FGF14: variants seen among roughly 807,000 people sequenced by gnomAD.
The protein encoded by FGF14 is fibroblast growth factor 14, also known as fibroblast growth factor homologous factor 4.
A neutral mutation model predicts 25.5 loss-of-function variants in FGF14; 5 were observed. The observed-to-expected ratio is 0.20, with a 90% CI of 0.10 to 0.41. The LOEUF is 0.41. Ranked by LOEUF, FGF14 falls within the 10% of genes least tolerant of loss-of-function variation. The probability of loss-of-function intolerance (pLI) is 1.00; values close to 1 mark genes in which losing one functional copy is unlikely to be tolerated. For missense variants in FGF14, 222 were observed against 320.1 expected (o/e 0.69, Z 2.34); for synonymous variants, 138 against 118.3 (o/e 1.17, Z -1.08).
rs530494884 is a variant in FGF14, at chr13:101,717,494, T to C, written c.*5337A>G. ...TGTGAACAACCTATTATTATTGTTTTGTAGCAATTTTGATGACGTATTCGC... is the reference window on the plus strand; with the variant it reads ...TGTGAACAACCTATTATTATTGTTTCGTAGCAATTTTGATGACGTATTCGC... On this transcript the variant is annotated 3_prime_UTR_variant, in exon 5 of 5. Transcript: ENST00000376143. The C allele has an allele frequency of 3.3e-5, 5 of 152,296 alleles. No homozygotes were observed. Among genetic ancestry groups the C allele is most frequent in the Admixed American group, 6.5e-5 (1 of 15,300 alleles). 9.4% of individuals were successfully genotyped at this position (152,296 alleles called of 1,614,324 possible). A position where few individuals can be genotyped will look rare whatever the true frequency, so the allele number is the denominator to read the frequency against.
intron 1 of FGF14, among the ~76,000 whole-genome samples, chr13:102,131,443 T>A (rs1307446474): frequency 6.6e-6 from 1 of 152,210 alleles, no homozygotes; most frequent in Non-Finnish European, 1.5e-5. Context: ...CTGCTTAAGA[T>A]GAGCTCATGG....
At chr13:101,952,561 T>C (rs972530131) in intron 1 of FGF14, among the ~76,000 whole-genome samples, 2 of 152,196 alleles carry the variant, frequency 1.3e-5, no homozygotes, top group African/African-American at 4.8e-5. Context: ...CTGTGGCTGT[T>C]TCCATAGGTA....
At chr13:101,936,093 CCTTAT>C (rs779070422) in intron 1 of FGF14, among the ~76,000 whole-genome samples, 13 of 152,108 alleles carry the variant, frequency 8.5e-5, no homozygotes, top group Admixed American at 2.6e-4. Flanking sequence ...CTTTAACATA[CCTTAT>C]CTTATTTAAT....
At chr13:101,956,768 C>CAAAAAAA (rs372879439) in intron 1 of FGF14, among the ~76,000 whole-genome samples, 3 of 122,584 alleles carry the variant, frequency 2.4e-5, no homozygotes, top group Non-Finnish European at 5.4e-5. Flanking sequence ...TTCACTTTAC[C>CAAAAAAA]AAAAAAAAAA....
Position 101,943,812 on chromosome 13 carries a change from T to TAC in FGF14, c.209-68517_209-68516insGT, listed in dbSNP as rs796285466. ...AACATGGAGAATCCCTGTCTCTACT[T>TAC]AAAAAAAAAAAAAAATATATATATA... On this transcript the variant is annotated intron_variant, in intron 1 of 4. Coordinates refer to the FGF14 transcript ENST00000376131. Among the ~76,000 whole-genome samples, 207 of 134,216 alleles carry TAC rather than the reference T, an allele frequency of 1.5e-3. 7 individuals are homozygous for TAC. The highest frequency in any genetic ancestry group is 6.0e-3 in the African/African-American group (195 of 32,600). 88.1% of individuals were successfully genotyped at this position (134,216 alleles called of 152,430 possible). A position where few individuals can be genotyped will look rare whatever the true frequency, so the allele number is the denominator to read the frequency against.
chr13:102,133,915 A>G (rs1036084520), intron 1 of FGF14, among the ~76,000 whole-genome samples: 3 of 152,218 alleles, frequency 2.0e-5, no homozygotes, highest in Non-Finnish European at 4.4e-5. Context: ...AGGAAAACTG[A>G]CACGCTTCAC....
At chr13:102,352,874 G>A (rs1348570433) in intron 1 of FGF14, among the ~76,000 whole-genome samples, 3 of 150,994 alleles carry the variant, frequency 2.0e-5, no homozygotes, top group African/African-American at 7.3e-5. Context: ...GTCTTTAGGA[G>A]AGAAAAGTTT....
chr13:102,138,875 G>A (rs981928515), intron 1 of FGF14, among the ~76,000 whole-genome samples: 21 of 152,212 alleles, frequency 1.4e-4, no homozygotes, highest in African/African-American at 2.9e-4. Flanking sequence ...CAGTAAAACC[G>A]TGTTTTAGTG....
At chr13:101,970,480 C>A (rs1221498602) in intron 1 of FGF14, among the ~76,000 whole-genome samples, 1 of 152,112 alleles carries the variant, frequency 6.6e-6, no homozygotes, top group African/African-American at 2.4e-5. Flanking sequence ...GAAAACAATA[C>A]CCCAAGGCAT....
chr13:102,103,741 G>A (rs972140650), intron 1 of FGF14, among the ~76,000 whole-genome samples: 5 of 152,152 alleles, frequency 3.3e-5, no homozygotes, highest in South Asian at 2.1e-4. Flanking sequence ...ACCTGAGCAG[G>A]TTTTATTTTA....
chr13:102,174,588 A>C (rs74472003), intron 1 of FGF14, among the ~76,000 whole-genome samples: 7,851 of 152,250 alleles, frequency 0.052, 248 homozygotes, highest in Middle Eastern at 0.17. Flanking sequence ...GGAGATATAA[A>C]ATCTCTACAA....
chr13:102,051,102 G>A (rs1301691996), intron 1 of FGF14, among the ~76,000 whole-genome samples: 1 of 152,186 alleles, frequency 6.6e-6, no homozygotes, highest in Admixed American at 6.5e-5. Context: ...AGGCTTGGTG[G>A]CTGCGTTAAG....
At chr13:102,067,132 C>T (rs1290282498) in intron 1 of FGF14, among the ~76,000 whole-genome samples, 1 of 152,066 alleles carries the variant, frequency 6.6e-6, no homozygotes, top group East Asian at 1.9e-4. Context: ...CAGTAGTTCG[C>T]ACAAAACAAG....
intron 1 of FGF14, among the ~76,000 whole-genome samples, chr13:101,885,399 C>G (rs748764865): frequency 2.0e-5 from 3 of 152,074 alleles, no homozygotes; most frequent in Admixed American, 6.6e-5. Flanking sequence ...GAAACAGATC[C>G]TCTTTCCACT....
chr13:101,900,651 A>AAG (rs2031417917), intron 1 of FGF14, among the ~76,000 whole-genome samples: 1 of 152,204 alleles, frequency 6.6e-6, no homozygotes, highest in South Asian at 2.1e-4. Flanking sequence ...GTTAGAAGTC[A>AAG]AGAGAGTGGC....
intron 3 of FGF14, among the ~76,000 whole-genome samples, chr13:101,812,634 TA>T (rs1566931147): frequency 2.3e-3 from 31 of 13,572 alleles, no homozygotes; most frequent in Non-Finnish European, 4.7e-3. Context: ...TATATATATA[TA>T]TATATATATA....
intron 1 of FGF14, among the ~76,000 whole-genome samples, chr13:102,111,577 G>A (rs1443288616): frequency 2.0e-5 from 3 of 152,098 alleles, no homozygotes; most frequent in Non-Finnish European, 4.4e-5. Flanking sequence ...TTAGCCGGGT[G>A]TAGTGGCACA....
At chr13:102,387,743 G>A (rs1388367740) in intron 1 of FGF14, among the ~76,000 whole-genome samples, 1 of 151,698 alleles carries the variant, frequency 6.6e-6, no homozygotes, top group Non-Finnish European at 1.5e-5. Context: ...GAGTTTTTGG[G>A]TTTTTTTGAG....
At chr13:102,033,169 T>G (rs1269237294) in intron 1 of FGF14, among the ~76,000 whole-genome samples, 2 of 152,128 alleles carry the variant, frequency 1.3e-5, no homozygotes, top group South Asian at 2.1e-4. Context: ...GATCAGTTAC[T>G]TTTCCAGTAC....
Sources: gnomAD v4.1 joint callset for allele counts (sites outside exome capture counted in the v4.1 genomes callset) on GRCh38, gnomAD v4.1.1 for gene constraint, MANE v1.5 for transcripts, NCBI Gene and HGNC (gene_info 2026-07-23, HGNC 2026-07-21) for gene names.